The following FAM98C variants were observed in gnomAD, a reference collection of about 807,000 sequenced individuals.
The protein encoded by FAM98C is protein FAM98C.
A neutral mutation model predicts 41.1 loss-of-function variants in FAM98C; 38 were observed. The observed-to-expected ratio is 0.92, with a 90% CI of 0.71 to 1.21. FAM98C has a LOEUF of 1.21. FAM98C is among the 50% of genes most tolerant of loss of function. FAM98C has a pLI of 0.00. For synonymous variants in FAM98C, 195 were observed against 216.7 expected (o/e 0.90, Z 0.88); for missense variants, 493 against 484.7 (o/e 1.02, Z -0.16).
chr19:38,405,116 A>G lies in FAM98C; in HGVS notation c.555+3A>G, dbSNP rs1568401222. The G allele has an allele frequency of 1.2e-6, 2 of 1,605,000 alleles. No individual in the cohort carries two copies. The highest frequency in any genetic ancestry group is 1.1e-5 in the South Asian group (1 of 90,908). On this transcript the variant is annotated splice_donor_region_variant and intron_variant, in intron 4 of 7. Transcript: ENST00000252530. ...TGCTGCAGGAGTTGCATGCTAAGGT[A>G]GAGAGTCAGAGTCCCCTCCCGACCT...
Position 38,405,125 on chromosome 19 carries a change from G to T in FAM98C, c.555+12G>T. On this transcript the variant is annotated intron_variant, in intron 4 of 7. Transcript: ENST00000252530. ...AGTTGCATGCTAAGGTAGAGAGTCA[G>T]AGTCCCCTCCCGACCTGGGCTACCC... 6.2e-7 allele frequency: 1 copy of T among 1,601,642 alleles called. No homozygotes were observed. The highest frequency in any genetic ancestry group is 8.5e-7 in the Non-Finnish European group (1 of 1,171,136).
intron 6 of FAM98C, chr19:38,406,044 A>G: frequency 5.4e-6 from 1 of 184,676 alleles, no homozygotes; most frequent in Non-Finnish European, 1.2e-5. Flanking sequence ...TTTAGTAGAG[A>G]CAGGGTTTCA....
rs1182751019 is a variant in FAM98C, at chr19:38,403,631, G to A, written c.286G>A (p.Ala96Thr). Reference protein sequence around the residue: ...LLRELHCPDRALCGGDGAAAL... With the variant: ...LLRELHCPDRTLCGGDGAAAL... The stretch of plus-strand genomic sequence containing the variant: ...GCGGGAGCTGCACTGCCCGGATCGC[G>A]CGCTCTGCGGCGGGGATGGCGCGGC... Residue 96 changes from alanine to threonine, a missense_variant, in exon 3 of 8, where the codon GCG (alanine) becomes ACG (threonine). By Grantham distance (58) the Ala-to-Thr change is moderately conservative (BLOSUM62 0). Coordinates refer to ENST00000252530, the MANE Select transcript of FAM98C (RefSeq NM_174905.4). 5.5e-6 allele frequency: 8 copies of A among 1,441,574 alleles called. No individual in the cohort carries two copies. The highest frequency in any genetic ancestry group is 7.2e-6 in the Non-Finnish European group (8 of 1,109,806). The allele number at this position is 1,441,574 out of a possible 1,614,324, so 89.3% of individuals were successfully genotyped here.
chr19:38,403,306 C>T lies in FAM98C; in HGVS notation c.66-32C>T, dbSNP rs191201342. 360 of 1,491,614 alleles carry T rather than the reference C, an allele frequency of 2.4e-4. 1 individual carries two copies. Among genetic ancestry groups the T allele is most frequent in the Middle Eastern group, 7.0e-4 (4 of 5,688 alleles). The allele number at this position is 1,491,614 out of a possible 1,614,324, so 92.4% of individuals were successfully genotyped here. On this transcript the variant is annotated intron_variant, in intron 1 of 7. Coordinates refer to ENST00000252530, the MANE Select transcript of FAM98C (RefSeq NM_174905.4). Reference sequence around the variant, plus strand: ...ACGAAAAGGGATTCCCAGTGACATCCCCGCCCCCTCCCGCTGCCTCGGTCC... The same window carrying T: ...ACGAAAAGGGATTCCCAGTGACATCTCCGCCCCCTCCCGCTGCCTCGGTCC...
chr19:38,404,764 C>A (rs999357853), intron 3 of FAM98C, 144 bp from the exon 4 acceptor site: 4 of 833,898 alleles, frequency 4.8e-6, no homozygotes, highest in Non-Finnish European at 8.1e-6. Flanking sequence ...CTCCTGACCT[C>A]GTGATCCGCC....
At position 38,405,600 on chromosome 19, in the gene FAM98C, A is replaced by C; in HGVS notation, c.715A>C (p.Thr239Pro). 1 of 1,614,010 alleles carries C rather than the reference A, an allele frequency of 6.2e-7. No individual in the cohort carries two copies. Among genetic ancestry groups the C allele is most frequent in the Non-Finnish European group, 8.5e-7 (1 of 1,180,004 alleles). The change falls in exon 6 of 8, where the codon ACT becomes CCT. Residue 239 changes from threonine to proline, a missense_variant. Physicochemically the swap from Thr to Pro is conservative, Grantham distance 38 (BLOSUM62 -1). Transcript: ENST00000252530. ...CCTCCTCCTCAAGCGCCTTGACCTCACTACATCTGCTTTCCACTGGAGTGA... is the reference window on the plus strand; with the variant it reads ...CCTCCTCCTCAAGCGCCTTGACCTCCCTACATCTGCTTTCCACTGGAGTGA... The part of the protein sequence containing the change: ...RCLLLKRLDL[T>P]TSAFHWSDRA...
intron 3 of FAM98C, 53 bp downstream of exon 3, chr19:38,403,747 T>A: frequency 7.4e-7 from 1 of 1,359,740 alleles, no homozygotes; most frequent in Non-Finnish European, 9.4e-7. Flanking sequence ...AGCGGCGGGC[T>A]CTGACTTTTT....
At position 38,404,958 on chromosome 19, in the gene FAM98C, C is replaced by G. The variant is rs1244018528; in HGVS notation, c.400C>G (p.Leu134Val). Reference sequence around the variant, plus strand: ...CACCCGCCTCCTGTGCCTCCGCTCTCTGCTGGATCCGAGTCCTAGGCCACC... The same window carrying G: ...CACCCGCCTCCTGTGCCTCCGCTCTGTGCTGGATCCGAGTCCTAGGCCACC... ...QATRLLCLRS[L>V]LDPSPRPPLG... The change falls in exon 4 of 8, where the codon CTG (leucine) becomes GTG (valine). Residue 134 changes from leucine to valine, a missense_variant. By Grantham distance (32) the Leu-to-Val change is conservative. Transcript: ENST00000252530. The G allele has an allele frequency of 3.1e-6, 5 of 1,614,202 alleles. No individual in the cohort carries two copies. Among genetic ancestry groups the G allele is most frequent in the Non-Finnish European group, 4.2e-6 (5 of 1,180,040 alleles).
intron 6 of FAM98C, chr19:38,405,884 G>A (rs1439739136): frequency 9.0e-6 from 4 of 446,614 alleles, no homozygotes; most frequent in Non-Finnish European, 1.6e-5. Flanking sequence ...TTGAGACGGG[G>A]TCTCACTCTG....
Position 38,404,825 on chromosome 19 carries a change from G to A in FAM98C, c.350-83G>A. ...ATTACAGGTGTGAGCCACCGCACCCGGCCATCAGTGGAGCTTTTTGACCAA... is the reference window on the plus strand; with the variant it reads ...ATTACAGGTGTGAGCCACCGCACCCAGCCATCAGTGGAGCTTTTTGACCAA... On this transcript the variant is annotated intron_variant, in intron 3 of 7. Coordinates refer to ENST00000252530, the MANE Select transcript of FAM98C (RefSeq NM_174905.4). 8 of 1,493,406 alleles carry A rather than the reference G, an allele frequency of 5.4e-6. No homozygotes were observed. In the South Asian group the frequency reaches 5.7e-5, roughly 11 times the overall value. 92.5% of individuals were successfully genotyped at this position (1,493,406 alleles called of 1,614,324 possible). A position where few individuals can be genotyped will look rare whatever the true frequency, so the allele number is the denominator to read the frequency against.
chr19:38,404,938 G>A lies in FAM98C; in HGVS notation c.380G>A (p.Arg127His), dbSNP rs762721238. The A allele has an allele frequency of 2.0e-5, 32 of 1,613,972 alleles. No individual in the cohort carries two copies. The highest frequency in any genetic ancestry group is 1.0e-4 in the Admixed American group (6 of 59,998). ...RFLCSELQAT[R>H]LLCLRSLLDP... The stretch of plus-strand genomic sequence containing the variant: ...CTCTGCTCAGAGCTCCAAGCCACCC[G>A]CCTCCTGTGCCTCCGCTCTCTGCTG... The change falls in exon 4 of 8, where the codon CGC becomes CAC. Residue 127 changes from arginine to histidine, a missense_variant. Transcript: ENST00000252530.
intron 3 of FAM98C, 28 bp downstream of exon 3, chr19:38,403,722 G>T: frequency 1.4e-6 from 2 of 1,390,136 alleles, no homozygotes; most frequent in South Asian, 1.7e-5. Context: ...GAAGTGGCAA[G>T]GCCATGGCCT....
Position 38,405,509 on chromosome 19 carries a change from T to C in FAM98C, c.634-10T>C. ...GACCCCTAGCCTGACCTTGAGACCT[T>C]TTCTCCCAGGAAGCGTTGGAGTCTC... On this transcript the variant is annotated splice_polypyrimidine_tract_variant and intron_variant, in intron 5 of 7. Transcript: ENST00000252530. 1 of 1,614,104 alleles carries C rather than the reference T, an allele frequency of 6.2e-7. No homozygotes were observed. The highest frequency in any genetic ancestry group is 8.5e-7 in the Non-Finnish European group (1 of 1,180,008).
chr19:38,408,705 C>G, intron 7 of FAM98C, 46 bp from the exon 8 acceptor site: 2 of 1,614,016 alleles, frequency 1.2e-6, no homozygotes, highest in Non-Finnish European at 8.5e-7. Context: ...GCCCCCTTGT[C>G]CAAGATACTT....
Position 38,407,007 on chromosome 19 carries a change from C to G in FAM98C, c.848C>G (p.Ala283Gly), listed in dbSNP as rs772869983. Residue 283 changes from alanine (A) to glycine (G), a missense_variant, in exon 7 of 8, where the codon GCC becomes GGC. Physicochemically the swap from Ala to Gly is moderately conservative, Grantham distance 60 (BLOSUM62 0). Transcript: ENST00000252530. ...ISIAHVLAAR[A>G]DLSCLVPATS... ...ATTGCACACGTTCTGGCTGCCCGAG[C>G]CGACCTGTCTTGTCTCGTCCCAGCC... is the stretch of plus-strand genomic sequence containing the variant. 6.2e-7 allele frequency: 1 copy of G among 1,614,200 alleles called. No homozygotes were observed.
intron 6 of FAM98C, chr19:38,406,043 G>T: frequency 5.4e-6 from 1 of 186,400 alleles, no homozygotes; most frequent in Non-Finnish European, 1.1e-5. Context: ...TTTTAGTAGA[G>T]ACAGGGTTTC....
chr19:38,404,741 G>T, intron 3 of FAM98C, 167 bp from the exon 4 acceptor site: 1 of 703,352 alleles, frequency 1.4e-6, no homozygotes, highest in Non-Finnish European at 2.6e-6. Context: ...ATGTTGGCCA[G>T]GCTGGTCTCC....
chr19:38,408,888 G>T lies in FAM98C; in HGVS notation c.*6G>T, dbSNP rs756010256. On this transcript the variant is annotated 3_prime_UTR_variant, in exon 8 of 8. Coordinates refer to ENST00000252530, the MANE Select transcript of FAM98C (RefSeq NM_174905.4). ...AGAAGAAGAAGAAGAAGTAAAGGGG[G>T]ACTGGTGGTCGGGGGCGGGGGGTCC... 1.9e-6 allele frequency: 3 copies of T among 1,565,178 alleles called. No individual in the cohort carries two copies. Among genetic ancestry groups the T allele is most frequent in the Non-Finnish European group, 2.6e-6 (3 of 1,160,318 alleles).
intron 3 of FAM98C, 22 bp from the exon 4 acceptor site, chr19:38,404,886 A>G: frequency 3.7e-6 from 6 of 1,613,632 alleles, no homozygotes; most frequent in Non-Finnish European, 5.1e-6. Flanking sequence ...CTGAGTGCAC[A>G]GCACCCATTT....
Sources: allele counts gnomAD v4.1 joint callset, GRCh38; gene constraint gnomAD v4.1.1; transcripts MANE v1.5; gene names NCBI Gene and HGNC (gene_info 2026-07-23, HGNC 2026-07-21).